The following ODAD2 variants were observed in gnomAD, a reference collection of about 807,000 sequenced individuals.
ODAD2 encodes outer dynein arm docking complex subunit 2, also known as outer dynein arm-docking complex subunit 2.
ODAD2 carries 89 observed loss-of-function variants against 106.8 expected under a neutral mutation model. That is an observed-to-expected ratio of 0.83 (90% CI 0.70 to 0.99). The LOEUF (loss-of-function observed/expected upper bound fraction) is 0.99, where lower values mean the gene tolerates loss of function less well. Among genes scored for constraint, ODAD2 ranks in the 50% least tolerant of loss-of-function variants. ODAD2 has a pLI of 0.00. For synonymous variants in ODAD2, 404 were observed against 436.2 expected (o/e 0.93, Z 0.92); for missense variants, 1,168 against 1,238.5 (o/e 0.94, Z 0.85).
intron 17 of ODAD2, among the ~76,000 whole-genome samples, chr10:27,866,697 G>A (rs556203133): frequency 6.6e-6 from 1 of 152,272 alleles, no homozygotes; most frequent in African/African-American, 2.4e-5. Flanking sequence ...AAGAAAGGAA[G>A]CAAGAGAGGG....
intron 17 of ODAD2, among the ~76,000 whole-genome samples, chr10:27,882,189 G>GAAAGAAAGAA (rs1292777613): frequency 9.5e-5 from 14 of 148,108 alleles, no homozygotes; most frequent in Admixed American, 2.7e-4. Context: ...AAGAAAGAAA[G>GAAAGAAAGAA]AAAGAAAGAA....
chr10:27,850,323 T>C (rs935492134), intron 19 of ODAD2, among the ~76,000 whole-genome samples: 1 of 151,704 alleles, frequency 6.6e-6, no homozygotes, highest in Non-Finnish European at 1.5e-5. Flanking sequence ...CAGGCGCCTG[T>C]AGTCGCAGCT....
chr10:27,879,082 C>CA (rs1266372851), intron 17 of ODAD2, among the ~76,000 whole-genome samples: 1 of 151,910 alleles, frequency 6.6e-6, no homozygotes, highest in Non-Finnish European at 1.5e-5. Flanking sequence ...ACAAGAAAAG[C>CA]AAAAAAATAA....
intron 12 of ODAD2, among the ~76,000 whole-genome samples, chr10:27,943,658 G>A (rs982690823): frequency 6.6e-6 from 1 of 151,504 alleles, no homozygotes; most frequent in Non-Finnish European, 1.5e-5. Flanking sequence ...TTGATGGCGG[G>A]CACCTGTAGT....
At chr10:27,941,480 G>T (rs1055655388) in intron 12 of ODAD2, among the ~76,000 whole-genome samples, 1 of 134,816 alleles carries the variant, frequency 7.4e-6, no homozygotes. Flanking sequence ...GCAAGATCCT[G>T]CCCCCCGAAC....
intron 16 of ODAD2, among the ~76,000 whole-genome samples, chr10:27,925,244 T>C (rs1311109911): frequency 2.6e-5 from 4 of 152,122 alleles, no homozygotes. Flanking sequence ...CATTAATAAT[T>C]CCCTATATTA....
At chr10:27,830,516 G>T in intron 19 of ODAD2, among the ~76,000 whole-genome samples, 1 of 152,296 alleles carries the variant, frequency 6.6e-6, no homozygotes, top group East Asian at 1.9e-4. Context: ...AGAGAAGAGA[G>T]TTTTTCAGCC....
intron 10 of ODAD2, among the ~76,000 whole-genome samples, chr10:27,961,350 G>C: frequency 6.6e-6 from 1 of 152,118 alleles, no homozygotes; most frequent in Non-Finnish European, 1.5e-5. Flanking sequence ...CCAGCCGGGA[G>C]AGAGGGTTGG....
chr10:27,862,513 TTGG>T lies in ODAD2; in HGVS notation c.2717_2719del (p.Thr906del). The T allele has an allele frequency of 3.1e-6, 5 of 1,613,218 alleles. No individual in the cohort carries two copies. The highest frequency in any genetic ancestry group is 4.2e-6 in the Non-Finnish European group (5 of 1,179,624). Reference sequence around the variant, plus strand: ...TAAATTTTCTTGATCTTTTGCTATGTTGGTAATGGCAGCACATACACTTGCCAG... The same window carrying T: ...TAAATTTTCTTGATCTTTTGCTATGTTAATGGCAGCACATACACTTGCCAG... On this transcript the variant is annotated inframe_deletion, in exon 18 of 20. Coordinates refer to ENST00000305242, the MANE Select transcript of ODAD2 (RefSeq NM_018076.5).
At chr10:27,985,270 C>A (rs1456019338) in intron 3 of ODAD2, 59 bp from the exon 4 acceptor site, 1 of 1,323,040 alleles carries the variant, frequency 7.6e-7, no homozygotes, top group East Asian at 2.5e-5. Flanking sequence ...TCTAGTACAA[C>A]AAACATTAAG....
chr10:27,940,472 T>A lies in ODAD2; in HGVS notation c.1986+91A>T, dbSNP rs1846327650. 4.7e-6 allele frequency: 7 copies of A among 1,477,790 alleles called. No homozygotes were observed. The South Asian group carries it at 7.8e-5, about 16-fold the overall frequency. 91.5% of individuals were successfully genotyped at this position (1,477,790 alleles called of 1,614,324 possible). Reference sequence around the variant, plus strand: ...AATGCTGACTTCTAGAAAAAGAATGTCCTTGAGCCATCATGATAACCTTAG... The same window carrying A: ...AATGCTGACTTCTAGAAAAAGAATGACCTTGAGCCATCATGATAACCTTAG... On this transcript the variant is annotated intron_variant, in intron 13 of 19. Coordinates refer to ENST00000305242, the MANE Select transcript of ODAD2 (RefSeq NM_018076.5).
chr10:27,970,092 C>G (rs1848740491), intron 8 of ODAD2, among the ~76,000 whole-genome samples: 1 of 144,300 alleles, frequency 6.9e-6, no homozygotes, highest in South Asian at 2.3e-4. Flanking sequence ...CAGCGAGATT[C>G]TGTCTCAAAA....
In ODAD2 at chr10:27,940,786, GCA is replaced by G; in HGVS notation, c.1761_1762del (p.Ala588ThrfsTer2). On this transcript the variant is annotated frameshift_variant, in exon 13 of 20. Coordinates refer to ENST00000305242, the MANE Select transcript of ODAD2 (RefSeq NM_018076.5). LOFTEE classifies it high-confidence loss of function. The stretch of plus-strand genomic sequence containing the variant: ...TTGGGCAGGTTTTGTGGAATCATGT[GCA>G]CAGTCTAGTAGAGCAACCTATAATA... 2.5e-6 allele frequency: 4 copies of G among 1,613,966 alleles called. No individual in the cohort carries two copies. The highest frequency in any genetic ancestry group is 3.4e-6 in the Non-Finnish European group (4 of 1,179,930).
At chr10:27,877,810 T>A (rs570401856) in intron 17 of ODAD2, among the ~76,000 whole-genome samples, 23 of 152,240 alleles carry the variant, frequency 1.5e-4, no homozygotes, top group Middle Eastern at 3.4e-3. Flanking sequence ...ACAATGATAG[T>A]AAAAATAACA....
chr10:27,966,862 T>G (rs1274903119), intron 9 of ODAD2, among the ~76,000 whole-genome samples: 6 of 151,012 alleles, frequency 4.0e-5, no homozygotes, highest in African/African-American at 1.5e-4. Flanking sequence ...CAACTAAAAA[T>G]CTGGATATTG....
Position 27,934,057 on chromosome 10 carries a change from C to T in ODAD2, c.2495+953G>A, listed in dbSNP as rs138094361. Among the ~76,000 whole-genome samples, 601 of 152,266 alleles carry T rather than the reference C, an allele frequency of 3.9e-3. 7 individuals are homozygous for T. Among genetic ancestry groups the T allele is most frequent in the African/African-American group, 0.013 (560 of 41,540 alleles). On this transcript the variant is annotated intron_variant, in intron 16 of 19. Coordinates refer to ENST00000305242, the MANE Select transcript of ODAD2 (RefSeq NM_018076.5). ...TGTTCTCATGATAGTGAGTAAGTCT[C>T]ATGAGATCTGATAGTTTTAAAAAGA...
chr10:27,874,138 G>T (rs1191696842), intron 17 of ODAD2, among the ~76,000 whole-genome samples: 3 of 152,060 alleles, frequency 2.0e-5, no homozygotes, highest in Non-Finnish European at 2.9e-5. Context: ...TTTGATCTTT[G>T]TTGGTTTAAA....
At chr10:27,976,047 G>C (rs1485952653) in intron 7 of ODAD2, among the ~76,000 whole-genome samples, 1 of 152,022 alleles carries the variant, frequency 6.6e-6, no homozygotes, top group East Asian at 1.9e-4. Context: ...AAAAACACAT[G>C]ATTCTCTCCA....
At chr10:27,835,224 G>A (rs1488157250) in intron 19 of ODAD2, among the ~76,000 whole-genome samples, 1 of 152,188 alleles carries the variant, frequency 6.6e-6, no homozygotes, top group East Asian at 1.9e-4. Context: ...ATGGGCTGCT[G>A]AAGCCAGCAC....
Sources: gnomAD v4.1 joint callset for allele counts (sites outside exome capture counted in the v4.1 genomes callset) on GRCh38, gnomAD v4.1.1 for gene constraint, MANE v1.5 for transcripts, NCBI Gene and HGNC (gene_info 2026-07-23, HGNC 2026-07-21) for gene names.